Variants in NUP42 observed in about 807,000 individuals in gnomAD.
NUP42 encodes the protein nucleoporin 42.
NUP42 carries 47 observed loss-of-function variants against 35.9 expected under a neutral mutation model. The observed-to-expected ratio is 1.31, with a 90% CI of 1.04 to 1.67. The LOEUF (loss-of-function observed/expected upper bound fraction) is 1.67, where lower values mean the gene tolerates loss of function less well. NUP42 is among the 40% of genes most tolerant of loss of function. The pLI, the probability that NUP42 is intolerant of heterozygous loss-of-function variation, is 0.00. For synonymous variants in NUP42, 173 were observed against 173.3 expected, an observed-to-expected ratio of 1.00 and a Z score of 0.01; for missense variants, 514 against 492.2, an observed-to-expected ratio of 1.04 and a Z score of -0.42.
At chr7:23,187,933 T>G in intron 3 of NUP42, 5 of 485,514 alleles carry the variant, frequency 1.0e-5, no homozygotes, top group Non-Finnish European at 1.4e-5. Context: ...TAGAATATTC[T>G]CTGTCTCTCT....
intron 1 of NUP42, among the ~76,000 whole-genome samples, chr7:23,183,989 C>A (rs1785508113): frequency 6.8e-6 from 1 of 147,760 alleles, no homozygotes; most frequent in South Asian, 2.1e-4. Flanking sequence ...TGGCTTATCT[C>A]TTTATTCAGT....
Position 23,197,726 on chromosome 7 carries a change from T to C in NUP42, c.609+960T>C, listed in dbSNP as rs143615802. Among the ~76,000 whole-genome samples the C allele has an allele frequency of 4.5e-4, 69 of 152,288 alleles. 1 individual carries two copies. Among genetic ancestry groups the C allele is most frequent in the African/African-American group, 1.6e-3 (68 of 41,562 alleles). On this transcript the variant is annotated intron_variant, in intron 5 of 6. Transcript: ENST00000258742. ...CAACCCACCCATAGCTGACTTAACATGTATCAGGAGTTCATGCCTTCTTTA... is the reference window on the plus strand; with the variant it reads ...CAACCCACCCATAGCTGACTTAACACGTATCAGGAGTTCATGCCTTCTTTA...
intron 1 of NUP42, 61 bp downstream of exon 1, chr7:23,182,267 G>A (rs1785433123): frequency 6.5e-7 from 1 of 1,540,842 alleles, no homozygotes; most frequent in Middle Eastern, 2.1e-4. Flanking sequence ...GGCGGGGACC[G>A]GGCGTCCCGC....
chr7:23,182,558 CAGAATCAGGACTTCATTTTGG>C (rs901780688), intron 1 of NUP42: 1 of 983,448 alleles, frequency 1.0e-6, no homozygotes, highest in African/African-American at 1.7e-5. Flanking sequence ...CAGCTTGGGT[CAGAATCAGGACTTCATTTTGG>C]AGAAGTCGTG....
At chr7:23,184,289 G>C (rs1785516981) in intron 1 of NUP42, among the ~76,000 whole-genome samples, 1 of 152,166 alleles carries the variant, frequency 6.6e-6, no homozygotes, top group South Asian at 2.1e-4. Context: ...CAAAAACAGA[G>C]GGTAGAATGT....
chr7:23,191,199 G>A (rs1785777726), intron 3 of NUP42, among the ~76,000 whole-genome samples: 1 of 152,332 alleles, frequency 6.6e-6, no homozygotes, highest in African/African-American at 2.4e-5. Context: ...CCAGGGGCCA[G>A]ATCATGTTGG....
chr7:23,183,182 TTAA>T (rs1393022436), intron 1 of NUP42, among the ~76,000 whole-genome samples: 1 of 151,988 alleles, frequency 6.6e-6, no homozygotes, highest in African/African-American at 2.4e-5. Flanking sequence ...AAAGATCGGG[TTAA>T]TAATTCGGTG....
intron 1 of NUP42, chr7:23,182,526 G>A (rs184652894): frequency 9.3e-7 from 1 of 1,072,440 alleles, no homozygotes; most frequent in Non-Finnish European, 1.1e-6. Flanking sequence ...TTACTAAGTT[G>A]TTTTTTCGAG....
chr7:23,187,939 T>TCC (rs771448626), intron 3 of NUP42: 63 of 401,664 alleles, frequency 1.6e-4, no homozygotes, highest in Non-Finnish European at 2.4e-4. Flanking sequence ...ATTCTCTGTC[T>TCC]CTCTCTCTCT....
intron 5 of NUP42, among the ~76,000 whole-genome samples, chr7:23,197,820 AG>A (rs1786067908): frequency 6.6e-6 from 1 of 152,004 alleles, no homozygotes; most frequent in African/African-American, 2.4e-5. Flanking sequence ...TATTACACTG[AG>A]GGAGAGAAAC....
rs573185487 is a variant in NUP42, at chr7:23,193,011, G to A, written c.446-2828G>A. Among the ~76,000 whole-genome samples the A allele has an allele frequency of 1.6e-3, 236 of 152,106 alleles. 1 individual carries two copies. The highest frequency in any genetic ancestry group is 6.8e-3 in the Middle Eastern group (2 of 294). ...GAGTTTATTCCTTCTGGTGGGGTCC[G>A]TGGTCTCGCTGGCTCAGGAGTGAAG... is the stretch of plus-strand genomic sequence containing the variant. On this transcript the variant is annotated intron_variant, in intron 3 of 6. Coordinates refer to ENST00000258742, the MANE Select transcript of NUP42 (RefSeq NM_007342.3).
At chr7:23,197,582 T>C (rs1272588790) in intron 5 of NUP42, among the ~76,000 whole-genome samples, 1 of 152,194 alleles carries the variant, frequency 6.6e-6, no homozygotes, top group Non-Finnish European at 1.5e-5. Flanking sequence ...TCACCATGGA[T>C]GAGAGCTGAT....
intron 3 of NUP42, chr7:23,188,010 TTTA>T (rs1785659643): frequency 1.5e-5 from 16 of 1,051,100 alleles, no homozygotes; most frequent in South Asian, 3.7e-5. Flanking sequence ...ATTTTTTATT[TTTA>T]TTTTTTTTTT....
intron 3 of NUP42, among the ~76,000 whole-genome samples, chr7:23,187,849 G>A (rs1011467017): frequency 1.3e-5 from 2 of 150,864 alleles, no homozygotes; most frequent in Admixed American, 6.6e-5. Flanking sequence ...CAGGTGATCC[G>A]CCCGCCACAG....
intron 3 of NUP42, among the ~76,000 whole-genome samples, chr7:23,191,418 G>A (rs1457730819): frequency 6.6e-6 from 1 of 152,124 alleles, no homozygotes; most frequent in African/African-American, 2.4e-5. Context: ...GGTCATATTT[G>A]GGTTCTCTGT....
chr7:23,193,546 T>G (rs540367148), intron 3 of NUP42, among the ~76,000 whole-genome samples: 5 of 152,362 alleles, frequency 3.3e-5, no homozygotes, highest in African/African-American at 1.2e-4. Flanking sequence ...CACAGGGTGC[T>G]GATTGGTGTG....
intron 3 of NUP42, chr7:23,188,057 AC>A: frequency 6.9e-7 from 1 of 1,448,244 alleles, no homozygotes; most frequent in Non-Finnish European, 9.1e-7. Flanking sequence ...CTGGGCTGAA[AC>A]CTAGACCACC....
chr7:23,199,550 A>C lies in NUP42; in HGVS notation c.694+8A>C, dbSNP rs185054777. 1,300 of 1,607,508 alleles carry C rather than the reference A, an allele frequency of 8.1e-4. 2 individuals are homozygous for C. The highest frequency in any genetic ancestry group is 1.0e-3 in the Non-Finnish European group (1,232 of 1,174,112). On this transcript the variant is annotated splice_region_variant and intron_variant, in intron 6 of 6. Coordinates refer to ENST00000258742, the MANE Select transcript of NUP42 (RefSeq NM_007342.3). ...CAACATTTATGTCGCCAGGTAAGTG[A>C]TAAAGTAATGCAGGACTTCACTGAT... is the stretch of plus-strand genomic sequence containing the variant.
intron 3 of NUP42, among the ~76,000 whole-genome samples, chr7:23,190,657 G>A (rs1329706080): frequency 6.6e-6 from 1 of 152,128 alleles, no homozygotes. Context: ...AGCTATAATA[G>A]AATGATACTA....
Sources: gnomAD v4.1 joint callset for allele counts (sites outside exome capture counted in the v4.1 genomes callset) on GRCh38, gnomAD v4.1.1 for gene constraint, MANE v1.5 for transcripts, NCBI Gene and HGNC (gene_info 2026-07-23, HGNC 2026-07-21) for gene names.